RBMS1: variants seen among roughly 807,000 people sequenced by gnomAD.
The protein encoded by RBMS1 is RNA binding motif single stranded interacting protein 1.
In RBMS1, 17 loss-of-function variants were observed where a neutral mutation model predicts 62.3. That is an observed-to-expected ratio of 0.27 (90% CI 0.19 to 0.41). The LOEUF (loss-of-function observed/expected upper bound fraction) is 0.41, where lower values mean the gene tolerates loss of function less well. Among genes scored for constraint, RBMS1 ranks in the 10% least tolerant of loss-of-function variants. RBMS1 has a pLI of 1.00. For missense variants in RBMS1, 334 were observed against 504.5 expected (o/e 0.66, Z 3.24); for synonymous variants, 172 against 170.0 (o/e 1.01, Z -0.09).
chr2:160,429,927 C>T (rs10210349), intron 1 of RBMS1, among the ~76,000 whole-genome samples: 76,829 of 152,160 alleles, frequency 0.5, 20,515 homozygotes, highest in Admixed American at 0.63. Flanking sequence ...GAGTGACTTT[C>T]AGATCTGGGC....
At chr2:160,304,156 G>A (rs556825671) in intron 4 of RBMS1, among the ~76,000 whole-genome samples, 1 of 152,162 alleles carries the variant, frequency 6.6e-6, no homozygotes, top group East Asian at 1.9e-4. Context: ...ATTGACTTGG[G>A]ACCCAAAGAT....
intron 1 of RBMS1, among the ~76,000 whole-genome samples, chr2:160,431,056 T>C (rs1682875247): frequency 6.7e-6 from 1 of 149,204 alleles, no homozygotes; most frequent in Non-Finnish European, 1.5e-5. Context: ...GATAGCTAAG[T>C]GTTCTTGCGG....
At chr2:160,438,855 A>G (rs1240712694) in intron 1 of RBMS1, among the ~76,000 whole-genome samples, 2 of 148,486 alleles carry the variant, frequency 1.3e-5, no homozygotes, top group Admixed American at 6.7e-5. Flanking sequence ...GGCGCCCCTC[A>G]CCTCCCGGAC....
chr2:160,373,060 C>T (rs1424983130), intron 1 of RBMS1, among the ~76,000 whole-genome samples: 1 of 152,154 alleles, frequency 6.6e-6, no homozygotes, highest in Non-Finnish European at 1.5e-5. Context: ...CATATCTTCA[C>T]TGTTCCTTGT....
chr2:160,293,768 C>T (rs143933687), intron 6 of RBMS1, among the ~76,000 whole-genome samples: 9 of 152,224 alleles, frequency 5.9e-5, no homozygotes, highest in Admixed American at 2.0e-4. Context: ...ACATGCCATA[C>T]GCATTAGTCT....
At chr2:160,303,616 A>G in intron 4 of RBMS1, 129 bp from the exon 5 acceptor site, 3 of 982,572 alleles carry the variant, frequency 3.1e-6, no homozygotes, top group Non-Finnish European at 4.5e-6. Flanking sequence ...TCAGAACACC[A>G]AAGTCACCCT....
intron 4 of RBMS1, among the ~76,000 whole-genome samples, chr2:160,306,047 T>C (rs1391314545): frequency 1.3e-5 from 2 of 152,072 alleles, no homozygotes; most frequent in Non-Finnish European, 2.9e-5. Flanking sequence ...GAGGACTGCT[T>C]AAGCCCAGGA....
At chr2:160,361,277 G>A (rs888214589) in intron 2 of RBMS1, among the ~76,000 whole-genome samples, 1 of 152,176 alleles carries the variant, frequency 6.6e-6, no homozygotes, top group African/African-American at 2.4e-5. Flanking sequence ...ACCCGGCCTT[G>A]GCCAACAGAG....
chr2:160,408,932 G>A (rs1279246033), intron 1 of RBMS1, among the ~76,000 whole-genome samples: 1 of 152,182 alleles, frequency 6.6e-6, no homozygotes, highest in African/African-American at 2.4e-5. Context: ...ATACTACAGA[G>A]TTCTTCCTTG....
chr2:160,464,727 A>T (rs531947148), intron 1 of RBMS1, among the ~76,000 whole-genome samples: 118 of 152,324 alleles, frequency 7.7e-4, no homozygotes, highest in Non-Finnish European at 1.6e-3. Context: ...GAGTTCATTC[A>T]ATTGCCCATT....
chr2:160,274,500 A>G lies in RBMS1; in HGVS notation c.*272T>C, dbSNP rs1031296791. On this transcript the variant is annotated 3_prime_UTR_variant, in exon 14 of 14. Transcript: ENST00000348849. Reference sequence around the variant, plus strand: ...TTCTTTTTTTGCATCATAACATTTGATAAAAATCTTTTGTTTTTGTTTTTT... The same window carrying G: ...TTCTTTTTTTGCATCATAACATTTGGTAAAAATCTTTTGTTTTTGTTTTTT... 14 of 147,952 alleles carry G rather than the reference A, an allele frequency of 9.5e-5. No homozygotes were observed. Among genetic ancestry groups the G allele is most frequent in the Admixed American group, 8.8e-4 (13 of 14,826 alleles). The allele number at this position is 147,952 out of a possible 1,614,324, so 9.2% of individuals were successfully genotyped here. A position where few individuals can be genotyped will look rare whatever the true frequency, so the allele number is the denominator to read the frequency against.
At chr2:160,443,478 G>C (rs751092698) in intron 1 of RBMS1, among the ~76,000 whole-genome samples, 3 of 152,012 alleles carry the variant, frequency 2.0e-5, no homozygotes, top group African/African-American at 4.8e-5. Flanking sequence ...TGAATAGCCT[G>C]GGCCATCTCC....
intron 1 of RBMS1, among the ~76,000 whole-genome samples, chr2:160,402,739 A>G (rs1449741475): frequency 6.6e-6 from 1 of 152,192 alleles, no homozygotes; most frequent in Non-Finnish European, 1.5e-5. Context: ...TAGCAGACAC[A>G]GCCCTTGACT....
chr2:160,320,139 G>A (rs754011924), intron 2 of RBMS1, among the ~76,000 whole-genome samples: 45 of 152,260 alleles, frequency 3.0e-4, no homozygotes, highest in African/African-American at 9.9e-4. Context: ...AGCTCCTATC[G>A]TTTGAATATT....
At chr2:160,353,315 C>T (rs1167941040) in intron 2 of RBMS1, among the ~76,000 whole-genome samples, 1 of 152,080 alleles carries the variant, frequency 6.6e-6, no homozygotes, top group East Asian at 1.9e-4. Flanking sequence ...CTGATTCTGT[C>T]AACCCTTGGA....
chr2:160,301,268 ACTTT>A (rs1689193654), intron 5 of RBMS1, among the ~76,000 whole-genome samples: 1 of 152,190 alleles, frequency 6.6e-6, no homozygotes, highest in Non-Finnish European at 1.5e-5. Context: ...TCAACTATAT[ACTTT>A]CTTTGTCACC....
At chr2:160,422,829 T>C (rs758720740) in intron 1 of RBMS1, among the ~76,000 whole-genome samples, 13 of 152,222 alleles carry the variant, frequency 8.5e-5, no homozygotes, top group Admixed American at 8.5e-4. Context: ...TGCTAAAAAC[T>C]CAATTTTAGT....
chr2:160,430,849 T>A (rs757442766), intron 1 of RBMS1, among the ~76,000 whole-genome samples: 3 of 152,042 alleles, frequency 2.0e-5, no homozygotes, highest in African/African-American at 4.8e-5. Context: ...CTTATTCTCA[T>A]TGTAGACAAG....
intron 4 of RBMS1, among the ~76,000 whole-genome samples, chr2:160,311,868 C>G (rs187571703): frequency 6.6e-6 from 1 of 152,240 alleles, no homozygotes; most frequent in Admixed American, 6.5e-5. Context: ...GCACTGTAGT[C>G]AGTAGGTATT....
Sources: gnomAD v4.1 joint callset for allele counts (sites outside exome capture counted in the v4.1 genomes callset) on GRCh38, gnomAD v4.1.1 for gene constraint, MANE v1.5 for transcripts, NCBI Gene and HGNC (gene_info 2026-07-23, HGNC 2026-07-21) for gene names.